Variants in DOCK3 observed in about 807,000 individuals in gnomAD.
DOCK3 encodes dedicator of cytokinesis 3, also known as dedicator of cytokinesis protein 3.
In DOCK3, 60 loss-of-function variants were observed where a neutral mutation model predicts 265.6. That is an observed-to-expected ratio of 0.23 (90% CI 0.18 to 0.28). DOCK3 has a LOEUF of 0.28. Among genes scored for constraint, DOCK3 ranks in the 10% least tolerant of loss-of-function variants. DOCK3 has a pLI of 1.00. For synonymous variants in DOCK3, 881 were observed against 938.0 expected, an observed-to-expected ratio of 0.94 and a Z score of 1.11; for missense variants, 1,981 against 2,594.3, an observed-to-expected ratio of 0.76 and a Z score of 5.14.
intron 1 of DOCK3, among the ~76,000 whole-genome samples, chr3:50,760,516 A>G (rs920790137): frequency 3.9e-5 from 6 of 152,342 alleles, no homozygotes; most frequent in Admixed American, 2.0e-4. Context: ...GGCATTGAAC[A>G]TCTTATAAAA....
chr3:51,179,005 C>T (rs534147183), intron 12 of DOCK3, among the ~76,000 whole-genome samples: 1 of 152,170 alleles, frequency 6.6e-6, no homozygotes, highest in Non-Finnish European at 1.5e-5. Flanking sequence ...ACCACTTGCT[C>T]TCTTGCCTTT....
chr3:51,287,861 A>G (rs1368945228), intron 27 of DOCK3, among the ~76,000 whole-genome samples: 1 of 152,248 alleles, frequency 6.6e-6, no homozygotes, highest in African/African-American at 2.4e-5. Flanking sequence ...ACTATTCACA[A>G]TAGCAAAGAC....
At chr3:50,801,093 A>C (rs753251924) in intron 2 of DOCK3, among the ~76,000 whole-genome samples, 3 of 152,136 alleles carry the variant, frequency 2.0e-5, no homozygotes, top group Non-Finnish European at 4.4e-5. Flanking sequence ...CTTGAATATA[A>C]AATTTTCTGT....
rs1223961782 is a variant in DOCK3, at chr3:51,159,263, T to C, written c.848T>C (p.Met283Thr). Reference protein sequence around the residue: ...ALFTDLSSKDMKRDLYIVAHV... With the variant: ...ALFTDLSSKDTKRDLYIVAHV... Reference sequence around the variant, plus strand: ...TCTTAGGATCTGAGCAGCAAAGATATGAAGAGAGATTTGTATATCGTTGCC... The same window carrying C: ...TCTTAGGATCTGAGCAGCAAAGATACGAAGAGAGATTTGTATATCGTTGCC... The change falls in exon 11 of 53, where the codon ATG becomes ACG. Residue 283 changes from methionine to threonine, a missense_variant. Transcript: ENST00000266037. 2 of 1,613,634 alleles carry C rather than the reference T, an allele frequency of 1.2e-6. No individual in the cohort carries two copies. Among genetic ancestry groups the C allele is most frequent in the Non-Finnish European group, 1.7e-6 (2 of 1,179,630 alleles).
At chr3:51,160,888 A>T (rs185997248) in intron 12 of DOCK3, among the ~76,000 whole-genome samples, 186 bp downstream of exon 12, 1 of 151,930 alleles carries the variant, frequency 6.6e-6, no homozygotes, top group Non-Finnish European at 1.5e-5. Flanking sequence ...CATTCTGGCT[A>T]ACACGGTGAA....
At chr3:51,180,698 A>C in intron 12 of DOCK3, among the ~76,000 whole-genome samples, 2 of 152,284 alleles carry the variant, frequency 1.3e-5, no homozygotes, top group Middle Eastern at 3.4e-3. Flanking sequence ...TTTCCAAATA[A>C]GGTAACATTC....
chr3:51,233,152 C>A (rs1401568022), intron 19 of DOCK3, among the ~76,000 whole-genome samples: 1 of 152,048 alleles, frequency 6.6e-6, no homozygotes, highest in African/African-American at 2.4e-5. Flanking sequence ...TCTTCTAATT[C>A]TGGGAAAAAT....
intron 5 of DOCK3, among the ~76,000 whole-genome samples, chr3:50,996,557 G>A (rs1374716273): frequency 1.3e-5 from 2 of 151,846 alleles, no homozygotes; most frequent in African/African-American, 4.8e-5. Context: ...TCTTCTCTAC[G>A]TATATGATAA....
Position 50,996,445 on chromosome 3 carries a change from C to A in DOCK3, c.315+62368C>A, listed in dbSNP as rs535951040. ...TGTTAGCCAGGATGATCTCAATCTC[C>A]TAACCTTGTGATCCGCCTACCTCGG... On this transcript the variant is annotated intron_variant, in intron 5 of 52. Transcript: ENST00000266037. Among the ~76,000 whole-genome samples, 8 of 152,086 alleles carry A rather than the reference C, an allele frequency of 5.3e-5. No individual in the cohort carries two copies. In the South Asian group the frequency reaches 1.7e-3, roughly 32 times the overall value.
intron 2 of DOCK3, among the ~76,000 whole-genome samples, chr3:50,801,786 G>GA (rs2043082656): frequency 1.3e-5 from 2 of 152,316 alleles, no homozygotes; most frequent in South Asian, 4.1e-4. Flanking sequence ...GTCCATTGCT[G>GA]AGAGTGGAGT....
chr3:50,858,514 G>A (rs1051199350), intron 3 of DOCK3, among the ~76,000 whole-genome samples: 2 of 151,894 alleles, frequency 1.3e-5, no homozygotes, highest in Non-Finnish European at 2.9e-5. Context: ...CAGCTGAGAC[G>A]TCTGCTGTTG....
At chr3:51,119,659 C>T (rs2083921229) in intron 9 of DOCK3, among the ~76,000 whole-genome samples, 1 of 151,972 alleles carries the variant, frequency 6.6e-6, no homozygotes, top group Admixed American at 6.6e-5. Context: ...TTCGTTTGTT[C>T]ATTTTCATTA....
intron 5 of DOCK3, among the ~76,000 whole-genome samples, chr3:51,046,828 T>C (rs1052809607): frequency 2.0e-5 from 3 of 152,078 alleles, no homozygotes; most frequent in African/African-American, 7.2e-5. Context: ...ACAAAATAAG[T>C]CTTAACACAC....
Position 51,019,689 on chromosome 3 carries a change from C to T in DOCK3, c.316-44759C>T, listed in dbSNP as rs186278598. On this transcript the variant is annotated intron_variant, in intron 5 of 52. Coordinates refer to ENST00000266037, the MANE Select transcript of DOCK3 (RefSeq NM_004947.5). ...CAACCCCACCATGCATCCATATGTT[C>T]TCATCATTCAGCTCCCACTTATAAG... 3.4e-3 allele frequency among the ~76,000 whole-genome samples: 497 copies of T among 147,720 alleles called. 15 individuals carry two copies. Among genetic ancestry groups the T allele is most frequent in the African/African-American group, 0.012 (454 of 39,068 alleles).
chr3:51,006,214 T>C (rs777642454), intron 5 of DOCK3, among the ~76,000 whole-genome samples: 2 of 150,096 alleles, frequency 1.3e-5, no homozygotes, highest in Non-Finnish European at 2.9e-5. Context: ...TTTAAAATTA[T>C]AAATGTTTCC....
At chr3:50,816,323 C>T (rs1576524635) in intron 2 of DOCK3, among the ~76,000 whole-genome samples, 2 of 88,746 alleles carry the variant, frequency 2.3e-5, no homozygotes, top group African/African-American at 3.9e-5. Context: ...TCTTGTAACT[C>T]TTTTTTTTTT....
At chr3:50,986,366 G>T (rs1366803466) in intron 5 of DOCK3, among the ~76,000 whole-genome samples, 1 of 152,176 alleles carries the variant, frequency 6.6e-6, no homozygotes, top group Non-Finnish European at 1.5e-5. Flanking sequence ...GATAGCCTGT[G>T]ACATACTTCT....
intron 32 of DOCK3, among the ~76,000 whole-genome samples, chr3:51,317,061 GTCTTT>G (rs2083406965): frequency 6.6e-6 from 1 of 151,890 alleles, no homozygotes; most frequent in South Asian, 2.1e-4. Flanking sequence ...TTTTTCTCCT[GTCTTT>G]TCTTCTAGAA....
intron 40 of DOCK3, among the ~76,000 whole-genome samples, chr3:51,353,121 T>C (rs887213516): frequency 2.0e-5 from 3 of 152,196 alleles, no homozygotes; most frequent in Admixed American, 6.5e-5. Flanking sequence ...GGGTTGTACA[T>C]ATGAATGATA....
Sources: gnomAD v4.1 joint callset for allele counts (sites outside exome capture counted in the v4.1 genomes callset) on GRCh38, gnomAD v4.1.1 for gene constraint, MANE v1.5 for transcripts, NCBI Gene and HGNC (gene_info 2026-07-23, HGNC 2026-07-21) for gene names.